The following GRAMD4 variants were observed in gnomAD, a reference collection of about 807,000 sequenced individuals.
GRAMD4 encodes the protein GRAM domain-containing protein 4.
Under a neutral mutation model 83.9 loss-of-function variants are expected in GRAMD4, and 25 were observed. The ratio of observed to expected loss-of-function variants is 0.30; its 90% confidence interval spans 0.22 to 0.42. The LOEUF is 0.42. Ranked by LOEUF, GRAMD4 falls within the 10% of genes least tolerant of loss-of-function variation. The pLI, the probability that GRAMD4 is intolerant of heterozygous loss-of-function variation, is 1.00. For missense variants in GRAMD4, 593 were observed against 788.7 expected, an observed-to-expected ratio of 0.75 and a Z score of 2.97; for synonymous variants, 336 against 320.9, an observed-to-expected ratio of 1.05 and a Z score of -0.50.
chr22:46,586,058 A>G (rs927927299), intron 1 of GRAMD4, among the ~76,000 whole-genome samples: 7 of 151,748 alleles, frequency 4.6e-5, no homozygotes, highest in Non-Finnish European at 1.5e-5. Context: ...CCCCAACCCT[A>G]TGGAGTGTGT....
rs536959176 is a variant in GRAMD4, at chr22:46,642,861, C to T, written c.283+4901C>T. On this transcript the variant is annotated intron_variant, in intron 3 of 18. Coordinates refer to ENST00000406902, the MANE Select transcript of GRAMD4 (RefSeq NM_015124.5). ...TATTCCCCAAAGGTTAATATTTTAC[C>T]GCATTTGTCTGTCTGCCTCTCTTAT... Among the ~76,000 whole-genome samples the T allele has an allele frequency of 7.2e-5, 11 of 152,194 alleles. No homozygotes were observed. The East Asian group carries it at 9.7e-4, about 13-fold the overall frequency.
chr22:46,581,697 A>C (rs1176645755), intron 1 of GRAMD4, among the ~76,000 whole-genome samples: 3 of 152,256 alleles, frequency 2.0e-5, no homozygotes, highest in African/African-American at 7.2e-5. Flanking sequence ...TGCTCTTGTT[A>C]GCTGCATTTC....
In GRAMD4 at chr22:46,677,302, C is replaced by CA; in HGVS notation, c.*51_*52insA. On this transcript the variant is annotated 3_prime_UTR_variant, in exon 19 of 19. Coordinates refer to ENST00000406902, the MANE Select transcript of GRAMD4 (RefSeq NM_015124.5). ...GAATTTTCTTTTTCTTTTTCTTTTT[C>CA]TTTTTTTTTTTTTACGATTTGGTAG... 7.5e-7 allele frequency: 1 copy of CA among 1,340,598 alleles called. No homozygotes were observed. Among genetic ancestry groups the CA allele is most frequent in the South Asian group, 1.4e-5 (1 of 71,816 alleles). The allele number at this position is 1,340,598 out of a possible 1,614,324, so 83.0% of individuals were successfully genotyped here.
chr22:46,613,593 G>A (rs1437894019), intron 1 of GRAMD4, among the ~76,000 whole-genome samples: 1 of 151,658 alleles, frequency 6.6e-6, no homozygotes, highest in African/African-American at 2.4e-5. Flanking sequence ...GCTACCCGAT[G>A]GCTGGGAAGG....
Position 46,627,353 on chromosome 22 carries a change from G to A in GRAMD4, c.162+392G>A, listed in dbSNP as rs573036660. 5.3e-5 allele frequency among the ~76,000 whole-genome samples: 8 copies of A among 152,370 alleles called. No homozygotes were observed. The East Asian group carries it at 5.8e-4, about 11-fold the overall frequency. ...GTCTTCTATTCAAGCCAAGGTGCAC[G>A]TTTCCAGCCCCCAAAGCTGGCTAAG... On this transcript the variant is annotated intron_variant, in intron 2 of 18. Transcript: ENST00000406902.
intron 13 of GRAMD4, among the ~76,000 whole-genome samples, chr22:46,670,093 G>C (rs901559967): frequency 1.3e-5 from 2 of 152,198 alleles, no homozygotes; most frequent in Non-Finnish European, 2.9e-5. Context: ...GGAGAGCTCC[G>C]TGCCGGAGTC....
At chr22:46,612,328 A>C (rs373626889) in intron 1 of GRAMD4, among the ~76,000 whole-genome samples, 2 of 152,052 alleles carry the variant, frequency 1.3e-5, no homozygotes, top group Admixed American at 6.6e-5. Context: ...TGTTATTGTT[A>C]CTGTTACTGT....
At chr22:46,655,802 C>T (rs1436341440) in intron 3 of GRAMD4, among the ~76,000 whole-genome samples, 1 of 152,260 alleles carries the variant, frequency 6.6e-6, no homozygotes, top group South Asian at 2.1e-4. Context: ...CCTTCTGACC[C>T]CGCCTTTGCT....
chr22:46,577,263 T>A, exon 1 of GRAMD4: 1 of 978,252 alleles, frequency 1.0e-6, no homozygotes, highest in Non-Finnish European at 1.2e-6. Context: ...GGCGGGTGGA[T>A]GAGAGTTGGC....
At chr22:46,651,976 C>G (rs1338208673) in intron 3 of GRAMD4, among the ~76,000 whole-genome samples, 1 of 152,118 alleles carries the variant, frequency 6.6e-6, no homozygotes, top group Non-Finnish European at 1.5e-5. Context: ...AAGTCCACGC[C>G]GGGCCAGGTG....
At chr22:46,661,895 G>A (rs371093238) in intron 5 of GRAMD4, among the ~76,000 whole-genome samples, 7 of 152,138 alleles carry the variant, frequency 4.6e-5, no homozygotes, top group Admixed American at 2.0e-4. Flanking sequence ...CTCTCTCCTC[G>A]TCCTCCATCC....
intron 3 of GRAMD4, among the ~76,000 whole-genome samples, chr22:46,649,402 A>G (rs1241615834): frequency 2.0e-5 from 3 of 152,240 alleles, no homozygotes; most frequent in Non-Finnish European, 4.4e-5. Context: ...CCGGAGCCCC[A>G]GAGTCCAGCC....
intron 1 of GRAMD4, among the ~76,000 whole-genome samples, chr22:46,610,375 A>G (rs1781668962): frequency 6.6e-6 from 1 of 152,216 alleles, no homozygotes; most frequent in Admixed American, 6.5e-5. Context: ...GTGACAGCCC[A>G]CGGACCACAC....
At chr22:46,593,578 C>A (rs2081231565) in intron 1 of GRAMD4, among the ~76,000 whole-genome samples, 1 of 152,094 alleles carries the variant, frequency 6.6e-6, no homozygotes, top group Non-Finnish European at 1.5e-5. Context: ...CTGGGGCAGC[C>A]TTCTAAGGGA....
chr22:46,589,190 C>T (rs767763130), intron 1 of GRAMD4, among the ~76,000 whole-genome samples: 83 of 151,432 alleles, frequency 5.5e-4, no homozygotes, highest in Non-Finnish European at 8.7e-4. Context: ...TCCCTCCAGT[C>T]GCTGCTGCCT....
At position 46,673,729 on chromosome 22, in the gene GRAMD4, G is replaced by A. The variant is rs1256791260; in HGVS notation, c.1299G>A (p.Glu433=). Reference sequence around the variant, plus strand: ...GCGCACCGGCCGGCCTGGGTAAAGAGGAGGACGCCGGTCGCTTCCACAGCA... The same window carrying A: ...GCGCACCGGCCGGCCTGGGTAAAGAAGAGGACGCCGGTCGCTTCCACAGCA... ...VPSAPAGLGK[E]EDAGRFHSTK... is the part of the protein sequence containing the mutation. The change falls in exon 15 of 19, where the codon GAG becomes GAA. Residue 433 remains glutamate (E), a synonymous_variant. Transcript: ENST00000406902. The A allele has an allele frequency of 1.2e-6, 2 of 1,612,786 alleles. No individual in the cohort carries two copies. Among genetic ancestry groups the A allele is most frequent in the Non-Finnish European group, 1.7e-6 (2 of 1,179,902 alleles).
intron 1 of GRAMD4, among the ~76,000 whole-genome samples, chr22:46,623,547 C>T (rs2081608726): frequency 6.6e-6 from 1 of 151,806 alleles, no homozygotes; most frequent in East Asian, 1.9e-4. Context: ...AGGTGCCCGC[C>T]ACCTTGCCTG....
chr22:46,586,084 G>T (rs1167764146), intron 1 of GRAMD4, among the ~76,000 whole-genome samples: 2 of 152,056 alleles, frequency 1.3e-5, no homozygotes, highest in African/African-American at 2.4e-5. Flanking sequence ...GAAGCAGGTG[G>T]AATTGGCCTG....
At chr22:46,584,141 C>T (rs1392514240) in intron 1 of GRAMD4, among the ~76,000 whole-genome samples, 3 of 152,112 alleles carry the variant, frequency 2.0e-5, no homozygotes, top group Non-Finnish European at 2.9e-5. Flanking sequence ...TGAGTCCTTC[C>T]TCACTTTCTG....
Sources: gnomAD v4.1 joint callset for allele counts (sites outside exome capture counted in the v4.1 genomes callset) on GRCh38, gnomAD v4.1.1 for gene constraint, MANE v1.5 for transcripts, NCBI Gene and HGNC (gene_info 2026-07-23, HGNC 2026-07-21) for gene names.